ZCCHC14: variants seen among roughly 807,000 people sequenced by gnomAD.
ZCCHC14 encodes zinc finger CCHC domain-containing protein 14.
A neutral mutation model predicts 85.0 loss-of-function variants in ZCCHC14; 16 were observed. The ratio of observed to expected loss-of-function variants is 0.19; its 90% confidence interval spans 0.13 to 0.29. The LOEUF (loss-of-function observed/expected upper bound fraction) is 0.29, where lower values mean the gene tolerates loss of function less well. ZCCHC14 is among the 10% of genes least tolerant of loss of function. The probability of loss-of-function intolerance (pLI) is 1.00; values close to 1 mark genes in which losing one functional copy is unlikely to be tolerated. For missense variants in ZCCHC14, 1,303 were observed against 1,443.5 expected, an observed-to-expected ratio of 0.90 and a Z score of 1.58; for synonymous variants, 775 against 630.7, an observed-to-expected ratio of 1.23 and a Z score of -3.43.
intron 2 of ZCCHC14, among the ~76,000 whole-genome samples, chr16:87,455,166 T>C (rs1328874409): frequency 6.6e-6 from 1 of 152,128 alleles, no homozygotes; most frequent in Non-Finnish European, 1.5e-5. Flanking sequence ...CACATGCCTG[T>C]AATCCCAGCT....
Position 87,412,862 on chromosome 16 carries a change from G to C in ZCCHC14, c.1859C>G (p.Ala620Gly). The change falls in exon 12 of 13, where the codon GCC (alanine) becomes GGC (glycine). Residue 620 changes from alanine to glycine, a missense_variant. Physicochemically the swap from Ala to Gly is moderately conservative, Grantham distance 60. Coordinates refer to ENST00000671377, the MANE Select transcript of ZCCHC14 (RefSeq NM_015144.3). ...TAQVLPVQNE[A>G]SSNPSGHHPL... ...GTGGTGGCCTGATGGATTGGAGCTGGCCTCATTCTGCACAGGGAGAACCTG... is the reference window on the plus strand; with the variant it reads ...GTGGTGGCCTGATGGATTGGAGCTGCCCTCATTCTGCACAGGGAGAACCTG... 6.2e-7 allele frequency: 1 copy of C among 1,607,938 alleles called. No individual in the cohort carries two copies. Among genetic ancestry groups the C allele is most frequent in the Non-Finnish European group, 8.5e-7 (1 of 1,176,592 alleles).
At chr16:87,455,100 C>G (rs1910888986) in intron 2 of ZCCHC14, among the ~76,000 whole-genome samples, 1 of 152,162 alleles carries the variant, frequency 6.6e-6, no homozygotes, top group South Asian at 2.1e-4. Flanking sequence ...ACCAGCCTGA[C>G]CAACATGGAG....
chr16:87,433,089 G>A (rs80015854), intron 3 of ZCCHC14, 39 bp downstream of exon 3: 2 of 1,595,522 alleles, frequency 1.3e-6, no homozygotes, highest in Non-Finnish European at 1.7e-6. Context: ...TTTCTTCCTA[G>A]CCTTCCAGGA....
rs780215942 is a variant in ZCCHC14 at position 87,420,702 on chromosome 16, A to G, written c.855T>C (p.Tyr285=). The change falls in exon 5 of 13, where the codon TAT becomes TAC. Residue 285 remains tyrosine, a synonymous_variant. Transcript: ENST00000671377. This position sits in a 1 kb window ranked among gnomAD's most constrained non-coding sequence, Gnocchi z 5.0. ...TGAGTTTCTCCAAGTTCTCTTCAGG[A>G]TAGAGCTGACATAGCTGGAAGAGAG... ...TEFISKLCQL[Y]PEENLEKLIP... The G allele has an allele frequency of 2.5e-6, 4 of 1,613,198 alleles. No individual in the cohort carries two copies. Among genetic ancestry groups the G allele is most frequent in the Middle Eastern group, 1.7e-4 (1 of 6,060 alleles).
In ZCCHC14 at chr16:87,412,808, G is replaced by A; in HGVS notation, c.1913C>T (p.Ala638Val). 1 of 1,611,942 alleles carries A rather than the reference G, an allele frequency of 6.2e-7. No individual in the cohort carries two copies. Among genetic ancestry groups the A allele is most frequent in the East Asian group, 2.2e-5 (1 of 44,858 alleles). ...HPLPPQMLSA[A>V]SHITPIRMLN... ...CATGCGGATGGGTGTGATGTGTGAGGCTGCGCTCAGCATCTGCGGGGGCAG... is the reference window on the plus strand; with the variant it reads ...CATGCGGATGGGTGTGATGTGTGAGACTGCGCTCAGCATCTGCGGGGGCAG... Residue 638 changes from alanine to valine, a missense_variant, in exon 12 of 13, where the codon GCC becomes GTC. This residue lies in a region of ZCCHC14 where 797 missense variants were observed against 730.8 expected (regional missense o/e 1.09). Coordinates refer to ENST00000671377, the MANE Select transcript of ZCCHC14 (RefSeq NM_015144.3).
At chr16:87,459,066 C>A (rs543247954) in intron 2 of ZCCHC14, among the ~76,000 whole-genome samples, 1 of 152,218 alleles carries the variant, frequency 6.6e-6, no homozygotes, top group Admixed American at 6.5e-5. Flanking sequence ...GATCATAACA[C>A]GGCAGAGGCT....
At chr16:87,444,023 T>C (rs143074658) in intron 2 of ZCCHC14, among the ~76,000 whole-genome samples, 212 of 117,576 alleles carry the variant, frequency 1.8e-3, no homozygotes, top group African/African-American at 7.0e-3. Context: ...GGTGACAGAG[T>C]GAGACTCTAT....
At chr16:87,424,695 G>A (rs571232075) in intron 3 of ZCCHC14, among the ~76,000 whole-genome samples, 1 of 152,272 alleles carries the variant, frequency 6.6e-6, no homozygotes, top group South Asian at 2.1e-4. Context: ...GGGAAGGAGA[G>A]CGTACTTTTT....
Position 87,467,588 on chromosome 16 carries a change from T to C in ZCCHC14, c.571-7457A>G, listed in dbSNP as rs1567537944. On this transcript the variant is annotated intron_variant, in intron 1 of 12. Coordinates refer to ENST00000671377, the MANE Select transcript of ZCCHC14 (RefSeq NM_015144.3). ...TTCCCGTTGGTTCTGAAAATTGGAA[T>C]AGGTGTCAAGGATCTGGAGATGACA... is the stretch of plus-strand genomic sequence containing the variant. The C allele has an allele frequency of 5.6e-6, 8 of 1,423,996 alleles. No individual in the cohort carries two copies. In the East Asian group the frequency reaches 1.6e-4, roughly 28 times the overall value. The allele number at this position is 1,423,996 out of a possible 1,614,324, so 88.2% of individuals were successfully genotyped here.
At chr16:87,455,053 C>T (rs1235878126) in intron 2 of ZCCHC14, among the ~76,000 whole-genome samples, 1 of 152,212 alleles carries the variant, frequency 6.6e-6, no homozygotes, top group East Asian at 1.9e-4. Context: ...CTGTGGGAGG[C>T]CGAGGCGGGC....
At chr16:87,463,918 C>CA (rs1026776810) in intron 1 of ZCCHC14, among the ~76,000 whole-genome samples, 39 of 152,306 alleles carry the variant, frequency 2.6e-4, no homozygotes, top group Admixed American at 2.5e-3. Flanking sequence ...CTCCTGGGCT[C>CA]AAGTGATCCT....
chr16:87,481,649 C>T (rs928324123), intron 1 of ZCCHC14, among the ~76,000 whole-genome samples: 1 of 149,002 alleles, frequency 6.7e-6, no homozygotes, highest in African/African-American at 2.5e-5. Flanking sequence ...GGGGCTGTAA[C>T]GGTGTCACTG....
In ZCCHC14 at chr16:87,420,618, G is replaced by A. The variant is rs1909044893; in HGVS notation, c.939C>T (p.Asp313=). ...FYVERNHVDL[D]SGLRYLASLP... ...GGTAAGGGCCTCACCTCAGGCCTGA[G>A]TCCAGATCCACGTGGTTTCGCTCCA... Residue 313 remains aspartate (D), a synonymous_variant, in exon 5 of 13, where the codon GAC becomes GAT. Coordinates refer to ENST00000671377, the MANE Select transcript of ZCCHC14 (RefSeq NM_015144.3). The surrounding 1 kb of genome is among the most constrained non-coding windows in gnomAD (Gnocchi z 5.0). The A allele has an allele frequency of 1.2e-6, 2 of 1,613,238 alleles. No homozygotes were observed. Among genetic ancestry groups the A allele is most frequent in the East Asian group, 2.2e-5 (1 of 44,858 alleles).
In ZCCHC14 at chr16:87,420,585, G is replaced by A. The variant is rs373985154; in HGVS notation, c.950+22C>T. On this transcript the variant is annotated intron_variant, in intron 5 of 12. Transcript: ENST00000671377. The surrounding 1 kb of genome is among the most constrained non-coding windows in gnomAD (Gnocchi z 5.0). Reference sequence around the variant, plus strand: ...TGTCCTTGCCAGCTGTGGACGCGCCGGGTGCCTGGTAAGGGCCTCACCTCA... The same window carrying A: ...TGTCCTTGCCAGCTGTGGACGCGCCAGGTGCCTGGTAAGGGCCTCACCTCA... 543 of 1,596,936 alleles carry A rather than the reference G, an allele frequency of 3.4e-4. No individual in the cohort carries two copies. The highest frequency in any genetic ancestry group is 6.9e-4 in the Middle Eastern group (4 of 5,820).
At position 87,412,451 on chromosome 16, in the gene ZCCHC14, G is replaced by A. The variant is rs779300180; in HGVS notation, c.2270C>T (p.Thr757Met). 65 of 1,613,776 alleles carry A rather than the reference G, an allele frequency of 4.0e-5. 1 individual carries two copies. Among genetic ancestry groups the A allele is most frequent in the African/African-American group, 2.0e-4 (15 of 74,918 alleles). Residue 757 changes from threonine to methionine, a missense_variant, in exon 12 of 13, where the codon ACG (threonine) becomes ATG (methionine). Transcript: ENST00000671377. ...TGTGCTGGGCGTCCCCGTGGCGGCC[G>A]TGCTGGTCTCCACGACCAGGGCCGG... ...QQPALVVETS[T>M]AATGTPSTVL...
intron 1 of ZCCHC14, among the ~76,000 whole-genome samples, chr16:87,476,994 G>A (rs948526061): frequency 1.1e-4 from 17 of 151,576 alleles, no homozygotes; most frequent in African/African-American, 3.9e-4. Context: ...GCATGGTGGT[G>A]CGTGCCTGTA....
rs1908350077 is a variant in ZCCHC14, at chr16:87,409,720, T to G, written c.*560A>C. 1 of 152,716 alleles carries G rather than the reference T, an allele frequency of 6.5e-6. No homozygotes were observed. Among genetic ancestry groups the G allele is most frequent in the South Asian group, 2.1e-4 (1 of 4,834 alleles). The allele number at this position is 152,716 out of a possible 1,614,324, so 9.5% of individuals were successfully genotyped here. On this transcript the variant is annotated 3_prime_UTR_variant, in exon 13 of 13. Transcript: ENST00000671377. ...GATTATTGGAGTCTCTTGCACTGAC[T>G]GTTCTCAGAGGAGTTTGGCTCCCAG...
At chr16:87,462,721 C>G (rs1413699167) in intron 1 of ZCCHC14, among the ~76,000 whole-genome samples, 2 of 144,494 alleles carry the variant, frequency 1.4e-5, no homozygotes, top group African/African-American at 5.2e-5. Flanking sequence ...GCCTGGGCGA[C>G]AGAGACTCTA....
chr16:87,483,184 G>A (rs1014323417), intron 1 of ZCCHC14, among the ~76,000 whole-genome samples: 40 of 151,580 alleles, frequency 2.6e-4, no homozygotes, highest in Non-Finnish European at 4.7e-4. Context: ...CCAGCCAGGC[G>A]CAGTGGCTCA....
Sources: gnomAD v4.1 joint callset for allele counts (sites outside exome capture counted in the v4.1 genomes callset) on GRCh38, gnomAD v4.1.1 for gene constraint, gnomAD v4.1.1 regional missense constraint, Gnocchi (gnomAD v3.1) non-coding constraint, MANE v1.5 for transcripts, NCBI Gene and HGNC (gene_info 2026-07-23, HGNC 2026-07-21) for gene names.